SPATA17: variants seen among roughly 807,000 people sequenced by gnomAD.
SPATA17 encodes the protein spermatogenesis associated 17.
A neutral mutation model predicts 62.2 loss-of-function variants in SPATA17; 53 were observed. The ratio of observed to expected loss-of-function variants is 0.85; its 90% CI spans 0.68 to 1.07. The LOEUF is 1.07. SPATA17 is among the 50% of genes least tolerant of loss of function. SPATA17 has a pLI of 0.00. For synonymous variants in SPATA17, 146 were observed against 146.8 expected (o/e 0.99, Z 0.04); for missense variants, 466 against 425.5 (o/e 1.10, Z -0.84).
rs541977261 is a variant in SPATA17 at position 217,696,149 on chromosome 1, C to T, written c.395+12788C>T. On this transcript the variant is annotated intron_variant, in intron 5 of 10. Transcript: ENST00000366933. Reference sequence around the variant, plus strand: ...GCTGTGCTAGCAATCAGCGAGATTCCGTGGGCGTAGGACCCTCCGAGCCAG... The same window carrying T: ...GCTGTGCTAGCAATCAGCGAGATTCTGTGGGCGTAGGACCCTCCGAGCCAG... Among the ~76,000 whole-genome samples the T allele has an allele frequency of 2.7e-3, 413 of 152,334 alleles. 1 individual carries two copies. The highest frequency in any genetic ancestry group is 9.2e-3 in the African/African-American group (381 of 41,594).
intron 3 of SPATA17, among the ~76,000 whole-genome samples, chr1:217,652,445 G>A (rs1359210334): frequency 6.6e-6 from 1 of 152,078 alleles, no homozygotes; most frequent in Non-Finnish European, 1.5e-5. Context: ...TGTTGGCCAA[G>A]CTGGTCTCAA....
At chr1:217,760,241 C>T (rs1673140513) in intron 6 of SPATA17, among the ~76,000 whole-genome samples, 1 of 152,100 alleles carries the variant, frequency 6.6e-6, no homozygotes, top group Non-Finnish European at 1.5e-5. Context: ...ATTTTCTGGG[C>T]TTTCTACTAT....
intron 6 of SPATA17, among the ~76,000 whole-genome samples, chr1:217,763,764 T>A (rs1473561458): frequency 6.6e-6 from 1 of 152,242 alleles, no homozygotes; most frequent in African/African-American, 2.4e-5. Flanking sequence ...GGATTCAAGA[T>A]GTATTTTGGA....
At chr1:217,770,268 A>C (rs748703286) in intron 6 of SPATA17, among the ~76,000 whole-genome samples, 2 of 152,212 alleles carry the variant, frequency 1.3e-5, no homozygotes, top group Non-Finnish European at 2.9e-5. Context: ...GAGGCAAGAA[A>C]ATAGTTTTAA....
At chr1:217,840,961 A>G (rs975079682) in intron 9 of SPATA17, among the ~76,000 whole-genome samples, 1 of 152,068 alleles carries the variant, frequency 6.6e-6, no homozygotes, top group Non-Finnish European at 1.5e-5. Flanking sequence ...AATGATATGT[A>G]TAGACATGTA....
intron 9 of SPATA17, among the ~76,000 whole-genome samples, chr1:217,811,876 T>C (rs574416515): frequency 1.3e-5 from 2 of 152,332 alleles, no homozygotes; most frequent in East Asian, 3.9e-4. Context: ...TACTTTTTTC[T>C]ATACTTTTAT....
intron 9 of SPATA17, among the ~76,000 whole-genome samples, chr1:217,830,561 C>T (rs1044805470): frequency 1.3e-5 from 2 of 152,058 alleles, no homozygotes; most frequent in Non-Finnish European, 2.9e-5. Flanking sequence ...ATATACTTAA[C>T]TGAGTATTTT....
chr1:217,737,094 T>A (rs1405588794), intron 5 of SPATA17, among the ~76,000 whole-genome samples: 1 of 152,208 alleles, frequency 6.6e-6, no homozygotes, highest in Non-Finnish European at 1.5e-5. Flanking sequence ...TATAGTATTG[T>A]GGTTAAAGGC....
intron 9 of SPATA17, among the ~76,000 whole-genome samples, chr1:217,849,766 G>T (rs1675605981): frequency 6.6e-6 from 1 of 152,078 alleles, no homozygotes; most frequent in East Asian, 1.9e-4. Context: ...GATTTTCCTG[G>T]AGTGTTAGAA....
chr1:217,665,062 C>G (rs1005325389), intron 3 of SPATA17, among the ~76,000 whole-genome samples: 1 of 152,082 alleles, frequency 6.6e-6, no homozygotes, highest in African/African-American at 2.4e-5. Context: ...GGAAAAAAAA[C>G]AACTGGCACT....
At chr1:217,759,655 G>A (rs1008720018) in intron 6 of SPATA17, among the ~76,000 whole-genome samples, 6 of 152,262 alleles carry the variant, frequency 3.9e-5, no homozygotes, top group Admixed American at 3.3e-4. Flanking sequence ...AAAAGTTTGA[G>A]GCAGAGGGAG....
rs188760905 is a variant in SPATA17, at chr1:217,654,208, G to A, written c.240+3030G>A. ...ACTGGAGTGCACTGGTGTGATCTTG[G>A]CTCACTGCAACCTCTGCCTCCCTGA... On this transcript the variant is annotated intron_variant, in intron 3 of 10. Coordinates refer to ENST00000366933, the MANE Select transcript of SPATA17 (RefSeq NM_138796.4). 7.0e-4 allele frequency among the ~76,000 whole-genome samples: 106 copies of A among 151,210 alleles called. 2 individuals carry two copies. In the East Asian group the frequency reaches 0.019, roughly 27 times the overall value.
At chr1:217,727,140 G>A (rs560751510) in intron 5 of SPATA17, among the ~76,000 whole-genome samples, 2 of 151,888 alleles carry the variant, frequency 1.3e-5, no homozygotes, top group African/African-American at 4.8e-5. Context: ...CCAGCTACTC[G>A]GGAGGCTGAG....
chr1:217,810,722 G>T (rs56708283), intron 9 of SPATA17, among the ~76,000 whole-genome samples: 3,970 of 152,256 alleles, frequency 0.026, 154 homozygotes, highest in African/African-American at 0.086. Context: ...GGAAGCCTCA[G>T]GAAACTTACA....
At chr1:217,806,420 C>T (rs960267784) in intron 9 of SPATA17, among the ~76,000 whole-genome samples, 6 of 152,178 alleles carry the variant, frequency 3.9e-5, no homozygotes, top group Admixed American at 1.3e-4. Context: ...CTCCCTGGGC[C>T]TCTTGCAGGA....
At chr1:217,850,306 T>A (rs1292625009) in intron 9 of SPATA17, 5 of 476,706 alleles carry the variant, frequency 1.0e-5, no homozygotes, top group Non-Finnish European at 1.9e-5. Context: ...GTTCAACTAT[T>A]ACTGAAACTT....
At chr1:217,817,435 CAT>C (rs1368297704) in intron 9 of SPATA17, among the ~76,000 whole-genome samples, 2 of 152,026 alleles carry the variant, frequency 1.3e-5, no homozygotes, top group African/African-American at 4.8e-5. Context: ...TGAAGAAGGA[CAT>C]GTTTGCTTCC....
intron 6 of SPATA17, among the ~76,000 whole-genome samples, chr1:217,767,741 G>C (rs1288482675): frequency 6.6e-6 from 1 of 152,082 alleles, no homozygotes; most frequent in Non-Finnish European, 1.5e-5. Context: ...CATCTTCCTT[G>C]CATGCTGTGT....
intron 5 of SPATA17, among the ~76,000 whole-genome samples, chr1:217,717,079 A>G (rs1015459729): frequency 2.0e-5 from 3 of 152,216 alleles, no homozygotes; most frequent in African/African-American, 7.2e-5. Context: ...GTCATATTTC[A>G]GTTGAAGCAT....
Sources: gnomAD v4.1 joint callset for allele counts (sites outside exome capture counted in the v4.1 genomes callset) on GRCh38, gnomAD v4.1.1 for gene constraint, MANE v1.5 for transcripts, NCBI Gene and HGNC (gene_info 2026-07-23, HGNC 2026-07-21) for gene names.